TOGARAM1: variants seen among roughly 807,000 people sequenced by gnomAD.
TOGARAM1 encodes TOG array regulator of axonemal microtubules protein 1.
Under a neutral mutation model 166.6 loss-of-function variants are expected in TOGARAM1, and 100 were observed. The observed-to-expected ratio is 0.60, with a 90% CI of 0.51 to 0.71. TOGARAM1 has a LOEUF of 0.71. TOGARAM1 is among the 30% of genes least tolerant of loss of function. TOGARAM1 has a pLI of 0.00. For missense variants in TOGARAM1, 2,029 were observed against 2,102.7 expected (o/e 0.96, Z 0.69); for synonymous variants, 758 against 763.8 (o/e 0.99, Z 0.13).
At chr14:44,967,719 A>G (rs1885634039) in intron 1 of TOGARAM1, among the ~76,000 whole-genome samples, 1 of 152,190 alleles carries the variant, frequency 6.6e-6, no homozygotes, top group South Asian at 2.1e-4. Flanking sequence ...GGAGATGTAG[A>G]TGGGGTAAAG....
chr14:45,057,204 T>A (rs946126302), intron 16 of TOGARAM1, among the ~76,000 whole-genome samples: 18 of 152,134 alleles, frequency 1.2e-4, no homozygotes, highest in African/African-American at 3.9e-4. Context: ...CCTTTCTGAT[T>A]TTGTTTATTT....
chr14:44,973,432 T>C (rs1052647036), intron 1 of TOGARAM1, among the ~76,000 whole-genome samples: 7 of 152,000 alleles, frequency 4.6e-5, no homozygotes, highest in African/African-American at 1.7e-4. Flanking sequence ...ATTTCATTTA[T>C]ACATAAACAC....
intron 1 of TOGARAM1, among the ~76,000 whole-genome samples, chr14:44,966,874 G>T (rs935918404): frequency 9.9e-5 from 15 of 152,170 alleles, no homozygotes; most frequent in African/African-American, 2.9e-4. Flanking sequence ...AGGATTGCTT[G>T]AGCCCAGGAG....
At position 45,073,355 on chromosome 14, in the gene TOGARAM1, G is replaced by A. The variant is rs368978884; in HGVS notation, c.5116G>A (p.Val1706Ile). ...PHATEQKVLV[V>I]LWHLLGNMTN... ...TGCCACAGAGCAGAAAGTGTTGGTT[G>A]TTTTATGGCATCTCTTAGGAAATAT... Residue 1706 changes from valine (V) to isoleucine (I), a missense_variant, in exon 20 of 20, where the codon GTT (valine) becomes ATT (isoleucine). Transcript: ENST00000361462. 1 of 1,614,056 alleles carries A rather than the reference G, an allele frequency of 6.2e-7. No homozygotes were observed. The highest frequency in any genetic ancestry group is 8.5e-7 in the Non-Finnish European group (1 of 1,180,044).
At chr14:45,053,600 T>C (rs1205928721) in intron 15 of TOGARAM1, among the ~76,000 whole-genome samples, 1 of 152,144 alleles carries the variant, frequency 6.6e-6, no homozygotes, top group Non-Finnish European at 1.5e-5. Flanking sequence ...TAGAGCATTT[T>C]TTTCTGCCCG....
chr14:45,032,493 G>A, intron 11 of TOGARAM1, 117 bp downstream of exon 11: 1 of 1,061,018 alleles, frequency 9.4e-7, no homozygotes, highest in Non-Finnish European at 1.4e-6. Flanking sequence ...TGATTATTTA[G>A]TTCTTAGGCA....
intron 1 of TOGARAM1, among the ~76,000 whole-genome samples, chr14:44,975,810 A>AT (rs892208326): frequency 8.7e-4 from 102 of 117,412 alleles, no homozygotes; most frequent in South Asian, 3.2e-3. Context: ...GGTTTGAACC[A>AT]TTTTTTTTTT....
chr14:45,005,507 G>C (rs1187186260), intron 4 of TOGARAM1, among the ~76,000 whole-genome samples: 1 of 152,058 alleles, frequency 6.6e-6, no homozygotes, highest in East Asian at 1.9e-4. Context: ...CCAGCTACTT[G>C]GGAGGCTGAG....
At chr14:44,990,632 T>A (rs1887071903) in intron 1 of TOGARAM1, among the ~76,000 whole-genome samples, 1 of 152,228 alleles carries the variant, frequency 6.6e-6, no homozygotes, top group Non-Finnish European at 1.5e-5. Context: ...TGGTTCTTCC[T>A]TGATTCAGCT....
chr14:45,022,101 G>A (rs778880813), intron 7 of TOGARAM1, among the ~76,000 whole-genome samples: 9 of 151,866 alleles, frequency 5.9e-5, no homozygotes, highest in Non-Finnish European at 1.2e-4. Flanking sequence ...TGGCCTCCAG[G>A]TGCAGTGTAA....
chr14:45,044,570 C>T, intron 12 of TOGARAM1, 65 bp from the exon 13 acceptor site: 1 of 1,186,720 alleles, frequency 8.4e-7, no homozygotes. Flanking sequence ...AATTCCTTTC[C>T]AAGTTATTAT....
rs111368916 is a variant in TOGARAM1, at chr14:45,022,118, T to C, written c.3239-3665T>C. Among the ~76,000 whole-genome samples, 9 of 152,066 alleles carry C rather than the reference T, an allele frequency of 5.9e-5. 1 individual carries two copies. The highest frequency in any genetic ancestry group is 1.9e-4 in the African/African-American group (8 of 41,468). On this transcript the variant is annotated intron_variant, in intron 7 of 19. Coordinates refer to ENST00000361462, the MANE Select transcript of TOGARAM1 (RefSeq NM_001308120.2). ...GCCTCCAGGTGCAGTGTAAGTGATA[T>C]TGTATACCTGACATCTGCGATAGTC... is the stretch of plus-strand genomic sequence containing the variant.
At chr14:45,016,170 C>T (rs921912701) in intron 7 of TOGARAM1, among the ~76,000 whole-genome samples, 2 of 151,974 alleles carry the variant, frequency 1.3e-5, no homozygotes, top group African/African-American at 4.8e-5. Flanking sequence ...CTGAGGTAGG[C>T]AGATCACTTG....
chr14:45,047,384 T>G (rs1882122176), intron 14 of TOGARAM1, among the ~76,000 whole-genome samples: 1 of 146,510 alleles, frequency 6.8e-6, no homozygotes, highest in African/African-American at 2.6e-5. Context: ...AGAGCGAGAC[T>G]CTGTCTCAAA....
intron 7 of TOGARAM1, among the ~76,000 whole-genome samples, chr14:45,019,816 G>A (rs1027199294): frequency 2.0e-5 from 3 of 152,258 alleles, no homozygotes; most frequent in African/African-American, 4.8e-5. Flanking sequence ...CTCTCAGTCC[G>A]CCCTCTCAAC....
intron 11 of TOGARAM1, among the ~76,000 whole-genome samples, chr14:45,035,275 G>C: frequency 6.6e-6 from 1 of 151,968 alleles, no homozygotes; most frequent in Admixed American, 6.6e-5. Context: ...CAGGAGAATC[G>C]CTTAAACCCG....
chr14:45,039,432 T>G (rs10136008), intron 11 of TOGARAM1, among the ~76,000 whole-genome samples: 17,935 of 152,080 alleles, frequency 0.12, 1,622 homozygotes, highest in African/African-American at 0.25. Context: ...CTGCCCAGGA[T>G]CCTGTCTGCC....
Position 45,066,450 on chromosome 14 carries a change from AG to A in TOGARAM1, c.4560-127del, listed in dbSNP as rs1249182826. 4.0e-6 allele frequency: 3 copies of A among 748,954 alleles called. No individual in the cohort carries two copies. In the African/African-American group the frequency reaches 5.3e-5, roughly 13 times the overall value. The allele number at this position is 748,954 out of a possible 1,614,324, so 46.4% of individuals were successfully genotyped here. On this transcript the variant is annotated intron_variant, in intron 16 of 19. Transcript: ENST00000361462. Reference sequence around the variant, plus strand: ...AGGAGAGATACTGTGGCTATGGGTTAGCCACAGTTTTTTGCATTTTATGCAT... The same window carrying A: ...AGGAGAGATACTGTGGCTATGGGTTACCACAGTTTTTTGCATTTTATGCAT...
Position 45,071,596 on chromosome 14 carries a change from T to C in TOGARAM1, c.4970-116T>C. The C allele has an allele frequency of 5.0e-6, 3 of 600,648 alleles. No individual in the cohort carries two copies. The South Asian group carries it at 7.4e-5, about 15-fold the overall frequency. 37.2% of individuals were successfully genotyped at this position (600,648 alleles called of 1,614,324 possible). A position where few individuals can be genotyped will look rare whatever the true frequency, so the allele number is the denominator to read the frequency against. On this transcript the variant is annotated intron_variant, in intron 18 of 19. Coordinates refer to ENST00000361462, the MANE Select transcript of TOGARAM1 (RefSeq NM_001308120.2). ...ATAGTGATTATGTAGATTTTTAAAG[T>C]GTTATACATTTGCATCCTAGAAGTG...
Sources: gnomAD v4.1 joint callset for allele counts (sites outside exome capture counted in the v4.1 genomes callset) on GRCh38, gnomAD v4.1.1 for gene constraint, MANE v1.5 for transcripts, NCBI Gene and HGNC (gene_info 2026-07-23, HGNC 2026-07-21) for gene names.